The following CLASP1 variants were observed in gnomAD, a reference collection of about 807,000 sequenced individuals.
The protein encoded by CLASP1 is CLIP-associating protein 1.
Under a neutral mutation model 192.3 loss-of-function variants are expected in CLASP1, and 38 were observed. The ratio of observed to expected loss-of-function variants is 0.20; its 90% confidence interval spans 0.15 to 0.26. The LOEUF is 0.26. Ranked by LOEUF, CLASP1 falls within the 10% of genes least tolerant of loss-of-function variation. The pLI, the probability that CLASP1 is intolerant of heterozygous loss-of-function variation, is 1.00. For synonymous variants in CLASP1, 691 were observed against 712.8 expected (o/e 0.97, Z 0.49); for missense variants, 1,433 against 1,932.5 (o/e 0.74, Z 4.85).
intron 2 of CLASP1, among the ~76,000 whole-genome samples, chr2:121,581,316 G>A (rs555182928): frequency 4.6e-4 from 60 of 130,100 alleles, no homozygotes; most frequent in African/African-American, 1.5e-3. Context: ...CGCCCAGGCC[G>A]GACTGCGGAC....
At chr2:121,397,152 T>G in exon 30 of CLASP1, 1 of 1,613,914 alleles carries the variant, frequency 6.2e-7, no homozygotes, top group East Asian at 2.2e-5. Context: ...TTCTCACGTC[T>G]GAACTCTTTG....
intron 37 of CLASP1, among the ~76,000 whole-genome samples, chr2:121,354,214 T>C (rs1434955654): frequency 6.6e-6 from 1 of 152,216 alleles, no homozygotes; most frequent in Admixed American, 6.5e-5. Context: ...AATGATCAAC[T>C]TGGGCTGTAG....
chr2:121,411,376 A>C (rs2077681929), intron 23 of CLASP1, among the ~76,000 whole-genome samples: 1 of 152,248 alleles, frequency 6.6e-6, no homozygotes, highest in Non-Finnish European at 1.5e-5. Flanking sequence ...AATGTGTGGT[A>C]AAAGCTTAAA....
At chr2:121,368,979 T>C (rs2068027413) in intron 34 of CLASP1, among the ~76,000 whole-genome samples, 1 of 152,174 alleles carries the variant, frequency 6.6e-6, no homozygotes, top group African/African-American at 2.4e-5. Context: ...CTCATCCCTC[T>C]CCCTTCCCCA....
At chr2:121,592,121 GGT>G (rs2062469250) in intron 2 of CLASP1, among the ~76,000 whole-genome samples, 1 of 152,126 alleles carries the variant, frequency 6.6e-6, no homozygotes, top group Admixed American at 6.5e-5. Flanking sequence ...AGTTCAAGCT[GGT>G]GAGTTCTGTC....
intron 1 of CLASP1, among the ~76,000 whole-genome samples, chr2:121,638,273 T>G (rs899637610): frequency 2.6e-5 from 4 of 152,010 alleles, no homozygotes; most frequent in African/African-American, 7.2e-5. Flanking sequence ...CTACTTATAT[T>G]ATAGAATGGT....
At chr2:121,442,381 T>G (rs1304999070) in intron 19 of CLASP1, among the ~76,000 whole-genome samples, 1 of 152,240 alleles carries the variant, frequency 6.6e-6, no homozygotes, top group Non-Finnish European at 1.5e-5. Flanking sequence ...TAGGATTCCT[T>G]GATGTGGACA....
At chr2:121,531,317 C>A (rs1312242239) in intron 2 of CLASP1, among the ~76,000 whole-genome samples, 1 of 152,128 alleles carries the variant, frequency 6.6e-6, no homozygotes, top group Non-Finnish European at 1.5e-5. Context: ...TAATCCAGGT[C>A]GGGCGCGGTG....
At chr2:121,475,570 T>G (rs896241019) in intron 8 of CLASP1, among the ~76,000 whole-genome samples, 2 of 152,222 alleles carry the variant, frequency 1.3e-5, no homozygotes, top group Non-Finnish European at 2.9e-5. Context: ...CATACTGAAC[T>G]CTACTAGCCA....
At chr2:121,529,488 T>C (rs1225571358) in intron 3 of CLASP1, among the ~76,000 whole-genome samples, 1 of 152,228 alleles carries the variant, frequency 6.6e-6, no homozygotes, top group Non-Finnish European at 1.5e-5. Context: ...AGAAGGAGCA[T>C]ATTGGTCGGA....
At position 121,547,436 on chromosome 2, in the gene CLASP1, G is replaced by A. The variant is rs116537109; in HGVS notation, c.196-17111C>T. 4.9e-3 allele frequency among the ~76,000 whole-genome samples: 745 copies of A among 151,424 alleles called. 8 individuals are homozygous for A. The highest frequency in any genetic ancestry group is 0.017 in the African/African-American group (721 of 41,204). On this transcript the variant is annotated intron_variant, in intron 2 of 39. Coordinates refer to ENST00000263710, the Ensembl canonical transcript of CLASP1. ...GGCAGGGAACCCCCAGCTTGGGCTC[G>A]CAGCGAAGACCCTCCATCCTGAGCT...
chr2:121,419,696 T>C (rs79564597), intron 22 of CLASP1, among the ~76,000 whole-genome samples: 218 of 151,998 alleles, frequency 1.4e-3, no homozygotes, highest in Non-Finnish European at 2.2e-3. Flanking sequence ...CAGGATACCC[T>C]TGTTTCTCCA....
intron 6 of CLASP1, among the ~76,000 whole-genome samples, chr2:121,517,371 A>G (rs1272364595): frequency 6.6e-6 from 1 of 152,236 alleles, no homozygotes; most frequent in Non-Finnish European, 1.5e-5. Context: ...TACTGAAGGG[A>G]GTCCTCTGAT....
rs1425028902 is a variant in CLASP1, at chr2:121,348,508, C to T, written c.4413+4G>A. On this transcript the variant is annotated splice_donor_region_variant and intron_variant, in intron 38 of 39. Transcript: ENST00000263710. ...GGGCAGGCCCCACCAACACGAGGGC[C>T]TACCTGCAGCAAGCCTGGGATGATG... is the stretch of plus-strand genomic sequence containing the variant. The T allele has an allele frequency of 6.2e-7, 1 of 1,604,888 alleles. No individual in the cohort carries two copies. Among genetic ancestry groups the T allele is most frequent in the South Asian group, 1.1e-5 (1 of 89,478 alleles).
chr2:121,394,664 G>A (rs1378834677), intron 30 of CLASP1, among the ~76,000 whole-genome samples: 3 of 152,250 alleles, frequency 2.0e-5, no homozygotes, highest in East Asian at 3.9e-4. Flanking sequence ...GGCGGATCAC[G>A]AGGTCAGGAG....
At chr2:121,441,231 T>C (rs1168629928) in intron 19 of CLASP1, among the ~76,000 whole-genome samples, 3 of 152,206 alleles carry the variant, frequency 2.0e-5, no homozygotes, top group Non-Finnish European at 4.4e-5. Flanking sequence ...AAATTACAGA[T>C]TATAAAATTA....
intron 36 of CLASP1, 45 bp downstream of exon 37, chr2:121,365,049 C>G (rs1476790811): frequency 1.3e-6 from 2 of 1,574,858 alleles, no homozygotes; most frequent in East Asian, 4.5e-5. Flanking sequence ...CATCGTGACC[C>G]CATTACATGG....
At chr2:121,511,834 T>C (rs1575569349) in intron 7 of CLASP1, among the ~76,000 whole-genome samples, 1 of 152,222 alleles carries the variant, frequency 6.6e-6, no homozygotes, top group South Asian at 2.1e-4. Context: ...AATCTCTGTG[T>C]GTACAAATAA....
At chr2:121,518,379 G>C (rs760484961) in intron 6 of CLASP1, among the ~76,000 whole-genome samples, 1 of 151,942 alleles carries the variant, frequency 6.6e-6, no homozygotes, top group Non-Finnish European at 1.5e-5. Flanking sequence ...AGCACATAGT[G>C]AGATGGCAGC....
Sources: gnomAD v4.1 joint callset for allele counts (sites outside exome capture counted in the v4.1 genomes callset) on GRCh38, gnomAD v4.1.1 for gene constraint, MANE v1.5 for transcripts, NCBI Gene and HGNC (gene_info 2026-07-23, HGNC 2026-07-21) for gene names.